Variants in MEGF11 observed in about 807,000 individuals in gnomAD.
MEGF11 encodes multiple epidermal growth factor-like domains protein 11.
Under a neutral mutation model 146.6 loss-of-function variants are expected in MEGF11, and 126 were observed. That is an observed-to-expected ratio of 0.86 (90% CI 0.74 to 1.00). The LOEUF is 1.00. Ranked by LOEUF, MEGF11 falls within the 50% of genes least tolerant of loss-of-function variation. MEGF11 has a pLI of 0.00. For synonymous variants in MEGF11, 532 were observed against 583.4 expected (o/e 0.91, Z 1.27); for missense variants, 1,509 against 1,521.2 (o/e 0.99, Z 0.13).
chr15:66,003,232 G>A (rs1043657014), intron 5 of MEGF11, among the ~76,000 whole-genome samples: 2 of 152,058 alleles, frequency 1.3e-5, no homozygotes, highest in African/African-American at 2.4e-5. Flanking sequence ...GATGTCAAGT[G>A]ATCTGCCTGC....
intron 1 of MEGF11, among the ~76,000 whole-genome samples, chr15:66,182,423 A>C (rs1271159313): frequency 1.3e-5 from 2 of 150,294 alleles, no homozygotes; most frequent in Non-Finnish European, 3.0e-5. Flanking sequence ...TGTCAAGCCA[A>C]CAGGGAAATC....
chr15:66,095,543 G>A (rs1273037601), intron 4 of MEGF11, among the ~76,000 whole-genome samples: 3 of 152,210 alleles, frequency 2.0e-5, no homozygotes, highest in African/African-American at 7.2e-5. Context: ...CCCACCCACT[G>A]CCTGGCCTAA....
intron 1 of MEGF11, among the ~76,000 whole-genome samples, chr15:66,188,979 C>A (rs1023385615): frequency 8.5e-5 from 13 of 152,130 alleles, no homozygotes; most frequent in African/African-American, 3.1e-4. Context: ...CTGAGTGGAG[C>A]TGGCTAGTTG....
At chr15:66,003,994 G>T (rs2082444509) in intron 5 of MEGF11, among the ~76,000 whole-genome samples, 1 of 152,152 alleles carries the variant, frequency 6.6e-6, no homozygotes, top group Non-Finnish European at 1.5e-5. Context: ...TTCTCATATG[G>T]AAAAGGGGGT....
intron 10 of MEGF11, among the ~76,000 whole-genome samples, chr15:65,948,387 TGTTACACCTGTTTTACAGC>T (rs2080273846): frequency 6.6e-6 from 1 of 152,148 alleles, no homozygotes; most frequent in Admixed American, 6.5e-5. Context: ...TGTTTTACAG[TGTTACACCTGTTTTACAGC>T]GTTACACCCT....
chr15:65,990,720 A>AAAAG (rs1567192900), intron 5 of MEGF11, among the ~76,000 whole-genome samples: 3 of 149,778 alleles, frequency 2.0e-5, no homozygotes, highest in African/African-American at 7.6e-5. Context: ...AGGAAGAAAG[A>AAAAG]AAGAAAGAAA....
At chr15:66,118,615 T>C in intron 4 of MEGF11, among the ~76,000 whole-genome samples, 1 of 152,200 alleles carries the variant, frequency 6.6e-6, no homozygotes, top group East Asian at 1.9e-4. Flanking sequence ...CTTTTCTTAC[T>C]GTGGTTTTGA....
intron 1 of MEGF11, among the ~76,000 whole-genome samples, chr15:66,165,100 G>A (rs1003705962): frequency 3.9e-5 from 6 of 152,224 alleles, no homozygotes; most frequent in African/African-American, 1.4e-4. Flanking sequence ...GTTAGAAACA[G>A]TATTTTCCAA....
intron 4 of MEGF11, among the ~76,000 whole-genome samples, chr15:66,109,029 T>C (rs1382024946): frequency 6.6e-6 from 1 of 152,198 alleles, no homozygotes; most frequent in Non-Finnish European, 1.5e-5. Flanking sequence ...AAGCGATGCC[T>C]CAATCCTCCC....
At chr15:66,218,801 T>C (rs747376615) in intron 1 of MEGF11, among the ~76,000 whole-genome samples, 2 of 152,158 alleles carry the variant, frequency 1.3e-5, no homozygotes, top group South Asian at 2.1e-4. Context: ...CCCCCATCTG[T>C]TGATGGCTTG....
At chr15:66,018,294 C>T (rs1425478688) in intron 5 of MEGF11, among the ~76,000 whole-genome samples, 4 of 152,218 alleles carry the variant, frequency 2.6e-5, no homozygotes, top group Non-Finnish European at 4.4e-5. Flanking sequence ...AGCCAGTGGC[C>T]CTGCCCATTT....
At chr15:65,999,644 G>GT (rs776593460) in intron 5 of MEGF11, among the ~76,000 whole-genome samples, 129 of 152,244 alleles carry the variant, frequency 8.5e-4, no homozygotes, top group Non-Finnish European at 1.5e-3. Flanking sequence ...CCTATAAAAT[G>GT]GGGCTCTTGT....
chr15:66,024,195 G>T (rs1351811655), intron 5 of MEGF11, among the ~76,000 whole-genome samples: 1 of 152,244 alleles, frequency 6.6e-6, no homozygotes, highest in Admixed American at 6.5e-5. Context: ...AATTTTAAAA[G>T]CCACAAAGGC....
intron 1 of MEGF11, among the ~76,000 whole-genome samples, chr15:66,193,078 T>C (rs1441305766): frequency 6.6e-6 from 1 of 152,258 alleles, no homozygotes; most frequent in Non-Finnish European, 1.5e-5. Flanking sequence ...TGTTTTCAGA[T>C]TAGTACCATG....
chr15:66,108,094 G>A (rs938849476), intron 4 of MEGF11, among the ~76,000 whole-genome samples: 4 of 152,216 alleles, frequency 2.6e-5, no homozygotes, highest in Non-Finnish European at 5.9e-5. Flanking sequence ...CCTGCACGAA[G>A]CCCCAGGGAA....
At chr15:65,909,611 A>G in intron 22 of MEGF11, 129 bp downstream of exon 22, 1 of 944,302 alleles carries the variant, frequency 1.1e-6, no homozygotes, top group Non-Finnish European at 1.6e-6. Flanking sequence ...TGTGAGAGCC[A>G]AAATTTCTCC....
At chr15:66,054,475 T>G (rs1481208866) in intron 5 of MEGF11, among the ~76,000 whole-genome samples, 1 of 152,158 alleles carries the variant, frequency 6.6e-6, no homozygotes. Flanking sequence ...CTGCTCCCAC[T>G]GCCTAGAATG....
chr15:66,212,402 G>A (rs927742369), intron 1 of MEGF11, among the ~76,000 whole-genome samples: 5 of 152,232 alleles, frequency 3.3e-5, no homozygotes, highest in Admixed American at 6.5e-5. Flanking sequence ...TGGGTGCATC[G>A]TGGGGGGACT....
chr15:66,140,776 G>A (rs905342414), intron 1 of MEGF11, among the ~76,000 whole-genome samples: 1 of 152,134 alleles, frequency 6.6e-6, no homozygotes, highest in Non-Finnish European at 1.5e-5. Context: ...AGCCTGGCAG[G>A]CTTGGGAGAG....
Sources: gnomAD v4.1 joint callset for allele counts (sites outside exome capture counted in the v4.1 genomes callset) on GRCh38, gnomAD v4.1.1 for gene constraint, MANE v1.5 for transcripts, NCBI Gene and HGNC (gene_info 2026-07-23, HGNC 2026-07-21) for gene names.